Variants in SETBP1 observed in about 807,000 individuals in gnomAD.
SETBP1 encodes SET binding protein 1, also known as SET-binding protein.
SETBP1 carries 9 observed loss-of-function variants against 101.0 expected under a neutral mutation model. The observed-to-expected ratio is 0.09, with a 90% CI of 0.05 to 0.16. The LOEUF is 0.16. SETBP1 is among the 10% of genes least tolerant of loss of function. SETBP1 has a pLI of 1.00. For synonymous variants in SETBP1, 818 were observed against 788.5 expected, an observed-to-expected ratio of 1.04 and a Z score of -0.63; for missense variants, 1,858 against 2,033.8, an observed-to-expected ratio of 0.91 and a Z score of 1.66.
At chr18:44,961,063 G>A (rs1010472965) in intron 4 of SETBP1, among the ~76,000 whole-genome samples, 1 of 152,188 alleles carries the variant, frequency 6.6e-6, no homozygotes, top group African/African-American at 2.4e-5. Context: ...AGGGGCTTAG[G>A]CAGCAGTTGC....
chr18:44,995,461 A>G (rs982671520), intron 4 of SETBP1, among the ~76,000 whole-genome samples: 4 of 151,898 alleles, frequency 2.6e-5, no homozygotes, highest in Non-Finnish European at 5.9e-5. Flanking sequence ...TTTTTAATGT[A>G]CATTTTAAAT....
At chr18:44,745,158 C>G (rs775244411) in intron 2 of SETBP1, among the ~76,000 whole-genome samples, 3 of 152,168 alleles carry the variant, frequency 2.0e-5, no homozygotes, top group Non-Finnish European at 4.4e-5. Flanking sequence ...AATCTCTTCT[C>G]CTTGTGAAGC....
At chr18:44,974,240 A>T (rs977150122) in intron 4 of SETBP1, among the ~76,000 whole-genome samples, 2 of 152,354 alleles carry the variant, frequency 1.3e-5, no homozygotes, top group Middle Eastern at 6.8e-3. Context: ...TTTAAGTGGC[A>T]TTGCTTTAGA....
chr18:44,701,097 G>A, intron 1 of SETBP1, 78 bp from the exon 2 acceptor site: 1 of 391,542 alleles, frequency 2.6e-6, no homozygotes, highest in Non-Finnish European at 4.5e-6. Context: ...CGTGGAAGGG[G>A]GCCTCTGGAA....
At chr18:44,746,825 C>T (rs530994508) in intron 2 of SETBP1, among the ~76,000 whole-genome samples, 33 of 152,172 alleles carry the variant, frequency 2.2e-4, no homozygotes, top group African/African-American at 7.2e-4. Flanking sequence ...CTGGTATGGC[C>T]GTGAGGACAA....
At chr18:44,814,046 C>T (rs934714319) in intron 2 of SETBP1, among the ~76,000 whole-genome samples, 2 of 152,100 alleles carry the variant, frequency 1.3e-5, no homozygotes, top group Admixed American at 6.5e-5. Flanking sequence ...AACCCCCAAT[C>T]TAGTGGAGGA....
intron 2 of SETBP1, among the ~76,000 whole-genome samples, chr18:44,842,821 A>G (rs950929779): frequency 6.6e-6 from 1 of 152,178 alleles, no homozygotes; most frequent in African/African-American, 2.4e-5. Context: ...CTCAATTTCC[A>G]TCTGAGGAAC....
chr18:44,730,564 C>G (rs940928424), intron 2 of SETBP1, among the ~76,000 whole-genome samples: 4 of 152,216 alleles, frequency 2.6e-5, no homozygotes, highest in Admixed American at 6.5e-5. Flanking sequence ...GTCTCTCCAT[C>G]CAAGAGGCTC....
At chr18:44,724,105 A>G (rs926135819) in intron 2 of SETBP1, among the ~76,000 whole-genome samples, 1 of 152,176 alleles carries the variant, frequency 6.6e-6, no homozygotes, top group African/African-American at 2.4e-5. Flanking sequence ...GGCACAGCTC[A>G]CATGTTGGTG....
intron 4 of SETBP1, among the ~76,000 whole-genome samples, chr18:44,955,974 C>G (rs1037949461): frequency 6.6e-6 from 1 of 152,138 alleles, no homozygotes; most frequent in African/African-American, 2.4e-5. Context: ...CTGGAGACAC[C>G]ATGGACAGAG....
At chr18:44,964,891 C>A (rs1393750320) in intron 4 of SETBP1, among the ~76,000 whole-genome samples, 1 of 152,100 alleles carries the variant, frequency 6.6e-6, no homozygotes, top group Non-Finnish European at 1.5e-5. Context: ...CAGATTTGCT[C>A]GTGATAACCT....
intron 2 of SETBP1, among the ~76,000 whole-genome samples, chr18:44,796,708 C>T (rs1451008379): frequency 1.3e-5 from 2 of 152,150 alleles, no homozygotes; most frequent in Non-Finnish European, 2.9e-5. Flanking sequence ...GTTATGATAG[C>T]CTTCTTTCAA....
intron 2 of SETBP1, among the ~76,000 whole-genome samples, chr18:44,829,206 A>G (rs1475544448): frequency 2.0e-5 from 3 of 150,206 alleles, no homozygotes; most frequent in Non-Finnish European, 3.0e-5. Flanking sequence ...GAATCCGCAG[A>G]TTAGACGTTA....
chr18:44,881,009 A>G (rs1339727090), intron 3 of SETBP1, among the ~76,000 whole-genome samples: 4 of 152,230 alleles, frequency 2.6e-5, no homozygotes, highest in Admixed American at 6.5e-5. Context: ...TTATATACCC[A>G]GGGGTCAAAG....
chr18:44,741,271 C>T (rs2070091276), intron 2 of SETBP1, among the ~76,000 whole-genome samples: 1 of 152,154 alleles, frequency 6.6e-6, no homozygotes, highest in Non-Finnish European at 1.5e-5. Flanking sequence ...GTTCACTGTG[C>T]TCCTTGCCAA....
At chr18:44,855,880 A>G (rs2144610228) in intron 2 of SETBP1, among the ~76,000 whole-genome samples, 1 of 152,274 alleles carries the variant, frequency 6.6e-6, no homozygotes, top group South Asian at 2.1e-4. Context: ...AGCACTTGGG[A>G]TATTTTGCCT....
intron 4 of SETBP1, among the ~76,000 whole-genome samples, chr18:44,959,230 C>T (rs1184836593): frequency 6.6e-6 from 1 of 152,150 alleles, no homozygotes; most frequent in Non-Finnish European, 1.5e-5. Flanking sequence ...TAATATGGAT[C>T]CTTTCTTGGC....
At chr18:44,819,507 A>T (rs1568163343) in intron 2 of SETBP1, among the ~76,000 whole-genome samples, 1 of 152,114 alleles carries the variant, frequency 6.6e-6, no homozygotes, top group Non-Finnish European at 1.5e-5. Flanking sequence ...TTTTTCTCTC[A>T]CTTAATCTTC....
At chr18:44,923,444 G>A (rs1404213247) in intron 3 of SETBP1, among the ~76,000 whole-genome samples, 1 of 152,184 alleles carries the variant, frequency 6.6e-6, no homozygotes, top group Non-Finnish European at 1.5e-5. Flanking sequence ...GGATAAGCAG[G>A]CAAGTCTCCT....
Sources: gnomAD v4.1 joint callset for allele counts (sites outside exome capture counted in the v4.1 genomes callset) on GRCh38, gnomAD v4.1.1 for gene constraint, MANE v1.5 for transcripts, NCBI Gene and HGNC (gene_info 2026-07-23, HGNC 2026-07-21) for gene names.